SHANK2: variants seen among roughly 807,000 people sequenced by gnomAD.
SHANK2 encodes SH3 and multiple ankyrin repeat domains 2, also known as SH3 and multiple ankyrin repeat domains protein 2.
In SHANK2, 43 loss-of-function variants were observed where a neutral mutation model predicts 133.7. The observed-to-expected ratio is 0.32, with a 90% CI of 0.25 to 0.41. The LOEUF (loss-of-function observed/expected upper bound fraction) is 0.41, where lower values mean the gene tolerates loss of function less well. Ranked by LOEUF, SHANK2 falls within the 10% of genes least tolerant of loss-of-function variation. SHANK2 has a pLI of 1.00. For missense variants in SHANK2, 1,994 were observed against 2,235.8 expected (o/e 0.89, Z 2.18); for synonymous variants, 1,017 against 952.8 (o/e 1.07, Z -1.24).
chr11:71,058,093 C>T (rs1341983798), intron 9 of SHANK2, among the ~76,000 whole-genome samples: 2 of 150,962 alleles, frequency 1.3e-5, no homozygotes, highest in East Asian at 3.9e-4. Context: ...ACGAGGTCCC[C>T]CGTGTTGTCT....
At chr11:71,200,654 A>G (rs2135627761) in intron 2 of SHANK2, among the ~76,000 whole-genome samples, 1 of 152,284 alleles carries the variant, frequency 6.6e-6, no homozygotes, top group Admixed American at 6.5e-5. Flanking sequence ...CGTCTTCCTC[A>G]GCGGCAGCCA....
intron 3 of SHANK2, among the ~76,000 whole-genome samples, chr11:71,144,148 C>G (rs1439291555): frequency 6.6e-6 from 1 of 152,130 alleles, no homozygotes; most frequent in Non-Finnish European, 1.5e-5. Context: ...GTGGGAGGGA[C>G]AGTGACAGTG....
rs78792718 is a variant in SHANK2, at chr11:70,738,270, G to A, written c.1778-39507C>T. Among the ~76,000 whole-genome samples the A allele has an allele frequency of 1.3e-3, 200 of 152,372 alleles. 1 individual carries two copies. Among genetic ancestry groups the A allele is most frequent in the African/African-American group, 4.6e-3 (192 of 41,590 alleles). ...CAACCGAAGCTTCCGAGGAAACCGC[G>A]TCTGGCCTGGCAGAAAGCCGGACTC... On this transcript the variant is annotated intron_variant, in intron 14 of 25. Transcript: ENST00000601538.
chr11:70,918,669 C>T (rs762331630), intron 10 of SHANK2, among the ~76,000 whole-genome samples: 1 of 152,022 alleles, frequency 6.6e-6, no homozygotes, highest in Non-Finnish European at 1.5e-5. Flanking sequence ...CTACACCTGG[C>T]TAATTTTCAT....
chr11:70,868,360 C>T (rs1028565114), intron 11 of SHANK2, among the ~76,000 whole-genome samples: 1 of 152,170 alleles, frequency 6.6e-6, no homozygotes, highest in Non-Finnish European at 1.5e-5. Context: ...GGATAAACTC[C>T]CAGGCCTCGG....
intron 22 of SHANK2, among the ~76,000 whole-genome samples, chr11:70,491,722 C>G (rs567627391): frequency 6.6e-6 from 1 of 152,220 alleles, no homozygotes; most frequent in Non-Finnish European, 1.5e-5. Context: ...CAGGAGGCCA[C>G]GCCTTGTTCA....
intron 11 of SHANK2, chr11:70,863,764 C>T (rs1352876239): frequency 8.8e-6 from 4 of 452,768 alleles, no homozygotes; most frequent in African/African-American, 8.1e-5. Context: ...AGTGGAGTCA[C>T]TCAGGTAGGT....
chr11:70,686,944 G>A (rs189703480), intron 15 of SHANK2, among the ~76,000 whole-genome samples: 23 of 152,302 alleles, frequency 1.5e-4, no homozygotes, highest in Non-Finnish European at 2.2e-4. Flanking sequence ...GATGGCCCCT[G>A]TCTGGACCCC....
chr11:70,927,918 C>T (rs1038686108), intron 10 of SHANK2, among the ~76,000 whole-genome samples: 2 of 152,184 alleles, frequency 1.3e-5, no homozygotes, highest in East Asian at 1.9e-4. Flanking sequence ...GAACACAAAT[C>T]GTTTTCTGCC....
chr11:70,607,931 G>A (rs1554992981), intron 17 of SHANK2, among the ~76,000 whole-genome samples: 1 of 152,180 alleles, frequency 6.6e-6, no homozygotes, highest in African/African-American at 2.4e-5. Context: ...CTCCATCCTT[G>A]CGTTCCTGTG....
At chr11:70,494,212 C>G (rs1489760973) in intron 21 of SHANK2, among the ~76,000 whole-genome samples, 1 of 152,234 alleles carries the variant, frequency 6.6e-6, no homozygotes, top group African/African-American at 2.4e-5. Context: ...TATGGACACT[C>G]TCACAGTAGA....
At chr11:70,895,070 G>C (rs1257312508) in intron 11 of SHANK2, among the ~76,000 whole-genome samples, 1 of 152,242 alleles carries the variant, frequency 6.6e-6, no homozygotes, top group African/African-American at 2.4e-5. Context: ...GGATCTCAGA[G>C]CAATTAAGTG....
At chr11:70,758,051 C>T (rs1215774106) in intron 14 of SHANK2, among the ~76,000 whole-genome samples, 1 of 152,168 alleles carries the variant, frequency 6.6e-6, no homozygotes, top group East Asian at 1.9e-4. Flanking sequence ...CCTTTAAACA[C>T]GGGGCTTGCA....
chr11:70,892,378 G>C (rs1949860414), intron 11 of SHANK2, among the ~76,000 whole-genome samples: 1 of 152,090 alleles, frequency 6.6e-6, no homozygotes, highest in Non-Finnish European at 1.5e-5. Flanking sequence ...CCCTGTTGGT[G>C]ATCTGTGGCC....
At chr11:70,518,936 G>T (rs189536852) in intron 17 of SHANK2, among the ~76,000 whole-genome samples, 1 of 152,142 alleles carries the variant, frequency 6.6e-6, no homozygotes, top group African/African-American at 2.4e-5. Context: ...TTGAGACAGG[G>T]TCTTGCTCTG....
chr11:70,690,243 GCCATAATTTTTCT>G (rs1555020631), intron 15 of SHANK2, among the ~76,000 whole-genome samples: 3 of 151,648 alleles, frequency 2.0e-5, no homozygotes, highest in African/African-American at 7.3e-5. Context: ...TGCTCAAGAA[GCCATAATTTTTCT>G]CCCACGAGAA....
intron 17 of SHANK2, among the ~76,000 whole-genome samples, chr11:70,657,897 G>C (rs2061423070): frequency 6.6e-6 from 1 of 152,128 alleles, no homozygotes; most frequent in Admixed American, 6.5e-5. Context: ...CCCCACCCAG[G>C]TGAGCGCTGC....
intron 2 of SHANK2, among the ~76,000 whole-genome samples, chr11:71,205,519 G>A (rs1404828910): frequency 8.5e-5 from 13 of 152,184 alleles, no homozygotes; most frequent in African/African-American, 1.2e-4. Context: ...GGAGACCCAC[G>A]TGCCAGGACG....
chr11:71,175,565 A>G lies in SHANK2; in HGVS notation c.-12-28227T>C, dbSNP rs1472258845. 3.4e-4 allele frequency among the ~76,000 whole-genome samples: 41 copies of G among 122,006 alleles called. No individual in the cohort carries two copies. The highest frequency in any genetic ancestry group is 7.5e-4 in the Admixed American group (10 of 13,326). The allele number at this position is 122,006 out of a possible 152,430, so 80.0% of individuals were successfully genotyped here. ...GAGAGGGAGAGGGAGAGAGAGAGAG[A>G]GAGAGAGAGAGAGAGAGAGAGAGAG... On this transcript the variant is annotated intron_variant, in intron 2 of 25. Coordinates refer to ENST00000601538, the MANE Select transcript of SHANK2 (RefSeq NM_012309.5). The surrounding 1 kb of genome is among the most constrained non-coding windows in gnomAD (Gnocchi z 4.2).
Sources: allele counts gnomAD v4.1 joint callset (sites outside exome capture counted in the v4.1 genomes callset), GRCh38; gene constraint gnomAD v4.1.1; non-coding constraint Gnocchi (gnomAD v3.1); transcripts MANE v1.5; gene names NCBI Gene and HGNC (gene_info 2026-07-23, HGNC 2026-07-21).